Variants in AFG1L observed in about 807,000 individuals in gnomAD.
AFG1L encodes the protein AFG1-like ATPase.
A neutral mutation model predicts 62.2 loss-of-function variants in AFG1L; 53 were observed. The observed-to-expected ratio is 0.85, with a 90% CI of 0.68 to 1.07. AFG1L has a LOEUF of 1.07. Among genes scored for constraint, AFG1L ranks in the 50% least tolerant of loss-of-function variants. AFG1L has a pLI of 0.00. For missense variants in AFG1L, 555 were observed against 590.5 expected (o/e 0.94, Z 0.62); for synonymous variants, 228 against 210.3 (o/e 1.08, Z -0.73).
At chr6:108,461,834 C>A (rs1582621154) in intron 8 of AFG1L, among the ~76,000 whole-genome samples, 1 of 152,168 alleles carries the variant, frequency 6.6e-6, no homozygotes, top group East Asian at 1.9e-4. Flanking sequence ...GTGGCTCACA[C>A]ATGTAATCCC....
chr6:108,453,615 G>A (rs373168094), intron 8 of AFG1L, among the ~76,000 whole-genome samples: 6 of 152,180 alleles, frequency 3.9e-5, no homozygotes, highest in African/African-American at 1.4e-4. Context: ...TTTCTTGCCT[G>A]TGATATTACT....
At chr6:108,314,701 C>A (rs1341781740) in intron 1 of AFG1L, among the ~76,000 whole-genome samples, 2 of 152,062 alleles carry the variant, frequency 1.3e-5, no homozygotes, top group Non-Finnish European at 2.9e-5. Flanking sequence ...CTCCAAACCC[C>A]TTCTGCTTCT....
At chr6:108,504,803 A>C (rs1774335675) in intron 10 of AFG1L, among the ~76,000 whole-genome samples, 1 of 152,226 alleles carries the variant, frequency 6.6e-6, no homozygotes, top group African/African-American at 2.4e-5. Context: ...GTATGCACTA[A>C]GCAATCTTGT....
At chr6:108,364,349 A>G (rs531967450) in intron 5 of AFG1L, among the ~76,000 whole-genome samples, 1 of 152,386 alleles carries the variant, frequency 6.6e-6, no homozygotes, top group South Asian at 2.1e-4. Context: ...GGGCAAAAAC[A>G]TTCTGAAATA....
rs1409786487 is a variant in AFG1L, at chr6:108,309,735, A to T, written c.140-14090A>T. Among the ~76,000 whole-genome samples the T allele has an allele frequency of 3.3e-5, 5 of 152,176 alleles. No homozygotes were observed. The East Asian group carries it at 9.6e-4, about 29-fold the overall frequency. ...TTTCCAATGAAAATTTAGCTTCCAAATTGAGATGTGTTGCAGGTGTCAAAT... is the reference window on the plus strand; with the variant it reads ...TTTCCAATGAAAATTTAGCTTCCAATTTGAGATGTGTTGCAGGTGTCAAAT... On this transcript the variant is annotated intron_variant, in intron 1 of 12. Transcript: ENST00000368977.
chr6:108,492,560 C>T (rs7747843), intron 10 of AFG1L, among the ~76,000 whole-genome samples: 134 of 152,308 alleles, frequency 8.8e-4, no homozygotes, highest in African/African-American at 3.2e-3. Flanking sequence ...GATATCACAG[C>T]ACTATGTCTG....
intron 6 of AFG1L, among the ~76,000 whole-genome samples, chr6:108,393,837 G>A (rs1169518551): frequency 6.6e-6 from 1 of 151,842 alleles, no homozygotes; most frequent in Non-Finnish European, 1.5e-5. Flanking sequence ...ATTTTTAAAG[G>A]GCTTATTGAA....
chr6:108,351,488 G>A (rs184135728), intron 3 of AFG1L, among the ~76,000 whole-genome samples: 9 of 152,120 alleles, frequency 5.9e-5, no homozygotes, highest in South Asian at 4.1e-4. Flanking sequence ...GGATTTTTTT[G>A]TGTGTATACA....
At chr6:108,327,999 AG>A in intron 2 of AFG1L, among the ~76,000 whole-genome samples, 1 of 152,330 alleles carries the variant, frequency 6.6e-6, no homozygotes, top group Admixed American at 6.5e-5. Flanking sequence ...GGGCACCATG[AG>A]TGACCAGTCC....
chr6:108,400,251 A>C (rs1308995309), intron 6 of AFG1L, among the ~76,000 whole-genome samples: 1 of 152,152 alleles, frequency 6.6e-6, no homozygotes, highest in East Asian at 1.9e-4. Flanking sequence ...GAAAGTGGGC[A>C]TAGTTTGTCA....
At chr6:108,445,584 C>T (rs1026506488) in intron 7 of AFG1L, among the ~76,000 whole-genome samples, 2 of 142,636 alleles carry the variant, frequency 1.4e-5, no homozygotes, top group Admixed American at 7.4e-5. Flanking sequence ...GGCTATTAAT[C>T]GACATAATTT....
intron 10 of AFG1L, among the ~76,000 whole-genome samples, chr6:108,500,167 CGTGCGTGTGTGT>C (rs1774131459): frequency 1.4e-5 from 1 of 73,028 alleles, no homozygotes; most frequent in Admixed American, 1.4e-4. Flanking sequence ...TTCCATGGTG[CGTGCGTGTGTGT>C]GTGTGTGTGT....
At chr6:108,419,384 A>G (rs1770486305) in intron 7 of AFG1L, among the ~76,000 whole-genome samples, 1 of 152,188 alleles carries the variant, frequency 6.6e-6, no homozygotes, top group South Asian at 2.1e-4. Flanking sequence ...TGATTAGATT[A>G]CTGAATGATA....
intron 8 of AFG1L, among the ~76,000 whole-genome samples, chr6:108,475,088 G>GT (rs1773056042): frequency 6.6e-6 from 1 of 152,212 alleles, no homozygotes; most frequent in Non-Finnish European, 1.5e-5. Flanking sequence ...AAGGGGTCCA[G>GT]TTTTGGTTTT....
chr6:108,364,438 T>C (rs1349546842), intron 5 of AFG1L, among the ~76,000 whole-genome samples: 1 of 152,250 alleles, frequency 6.6e-6, no homozygotes, highest in African/African-American at 2.4e-5. Context: ...CTTTGCATTA[T>C]GTTACAAGCT....
rs1775190887 is a variant in AFG1L at position 108,523,178 on chromosome 6, G to T, written c.*753G>T. ...GGACCAGTGAGAGAGTGTGGGCGGG[G>T]GGGTGGGTGTCAGAGTCGTAGGCAC... On this transcript the variant is annotated 3_prime_UTR_variant, in exon 13 of 13. Coordinates refer to ENST00000368977, the MANE Select transcript of AFG1L (RefSeq NM_145315.5). The T allele has an allele frequency of 6.6e-6, 1 of 150,552 alleles. No individual in the cohort carries two copies. The highest frequency in any genetic ancestry group is 1.5e-5 in the Non-Finnish European group (1 of 67,708). 9.3% of individuals were successfully genotyped at this position (150,552 alleles called of 1,614,324 possible).
chr6:108,429,006 A>G (rs1000382336), intron 7 of AFG1L, among the ~76,000 whole-genome samples: 2 of 152,080 alleles, frequency 1.3e-5, no homozygotes, highest in African/African-American at 4.8e-5. Flanking sequence ...CCCTATGCCA[A>G]TGTCCAGAAG....
At chr6:108,445,633 TGAGAGAGA>T (rs59323063) in intron 7 of AFG1L, among the ~76,000 whole-genome samples, 5,301 of 130,042 alleles carry the variant, frequency 0.041, 232 homozygotes, top group African/African-American at 0.1. Context: ...ACACCTAAGG[TGAGAGAGA>T]GAGAGAGAGA....
chr6:108,510,319 C>T lies in AFG1L; in HGVS notation c.1170C>T (p.Phe390=). 6.2e-7 allele frequency: 1 copy of T among 1,611,440 alleles called. No individual in the cohort carries two copies. Among genetic ancestry groups the T allele is most frequent in the East Asian group, 2.2e-5 (1 of 44,820 alleles). The change falls in exon 11 of 13, where the codon TTC becomes TTT. Residue 390 remains phenylalanine (F), a synonymous_variant. Transcript: ENST00000368977. The part of the protein sequence containing the change: ...TLANRTQGRR[F]ITLIDNFYDL... ...CAAACAGGACTCAAGGTCGAAGATT[C>T]ATAACTCTCATCGATAACTTTTATG...
Sources: gnomAD v4.1 joint callset for allele counts (sites outside exome capture counted in the v4.1 genomes callset) on GRCh38, gnomAD v4.1.1 for gene constraint, MANE v1.5 for transcripts, NCBI Gene and HGNC (gene_info 2026-07-23, HGNC 2026-07-21) for gene names.